The following SLC16A3 variants were observed in gnomAD, a reference collection of about 807,000 sequenced individuals.
SLC16A3 encodes monocarboxylate transporter 4.
Under a neutral mutation model 25.0 loss-of-function variants are expected in SLC16A3, and 22 were observed. The observed-to-expected ratio is 0.88, with a 90% confidence interval of 0.63 to 1.26. SLC16A3 has a LOEUF of 1.26. SLC16A3 is among the 50% of genes most tolerant of loss of function. SLC16A3 has a pLI of 0.00. For synonymous variants in SLC16A3, 390 were observed against 309.2 expected, an observed-to-expected ratio of 1.26 and a Z score of -2.74; for missense variants, 731 against 666.6, an observed-to-expected ratio of 1.10 and a Z score of -1.06.
chr17:82,223,910 C>G (rs2050403793), upstream of SLC16A3, among the ~76,000 whole-genome samples: 1 of 151,948 alleles, frequency 6.6e-6, no homozygotes, highest in Non-Finnish European at 1.5e-5. Flanking sequence ...TCAAGAAGAC[C>G]TGGCCAGCAC....
At chr17:82,234,045 T>A in intron 1 of SLC16A3, 1 of 56,990 alleles carries the variant, frequency 1.8e-5, no homozygotes, top group Non-Finnish European at 4.5e-5. Context: ...TTTCACCGTG[T>A]TAGCCAGGAT....
intron 2 of SLC16A3, chr17:82,236,501 G>A: frequency 1.6e-6 from 1 of 641,260 alleles, no homozygotes; most frequent in Non-Finnish European, 2.7e-6. Flanking sequence ...AGCCGTTCCT[G>A]AAAAGGTGGC....
Position 82,237,235 on chromosome 17 carries a change from T to G in SLC16A3, c.465T>G (p.Gly155=), listed in dbSNP as rs544853095. Residue 155 remains glycine, a synonymous_variant, in exon 4 of 5, where the codon GGT becomes GGG. Coordinates refer to ENST00000582743, the MANE Select transcript of SLC16A3 (RefSeq NM_004207.4). ...RPMANGLAAA[G]SPVFLCALSP... ...TGGCCAACGGGCTGGCGGCAGCAGG[T>G]AGCCCTGTCTTCCTGTGTGCCCTGA... 1 of 1,557,030 alleles carries G rather than the reference T, an allele frequency of 6.4e-7. No homozygotes were observed. Among genetic ancestry groups the G allele is most frequent in the Admixed American group, 1.9e-5 (1 of 52,000 alleles).
chr17:82,222,079 A>C (rs948190665), intron 1 of SLC16A3, among the ~76,000 whole-genome samples: 13 of 149,252 alleles, frequency 8.7e-5, no homozygotes, highest in Non-Finnish European at 1.3e-4. Context: ...TCGCCCTGGG[A>C]CCCCCAACTC....
chr17:82,236,867 T>C lies in SLC16A3; in HGVS notation c.362T>C (p.Ile121Thr), dbSNP rs1401537313. The C allele has an allele frequency of 1.2e-6, 2 of 1,605,662 alleles. No individual in the cohort carries two copies. Among genetic ancestry groups the C allele is most frequent in the Non-Finnish European group, 1.7e-6 (2 of 1,179,690 alleles). Residue 121 changes from isoleucine to threonine, a missense_variant, in exon 3 of 5, where the codon ATC (isoleucine) becomes ACC (threonine). Transcript: ENST00000582743. ...IIQVYLTTGVITGLGLALNFQ... is the reference protein window; with the variant it reads ...IIQVYLTTGVTTGLGLALNFQ... ...CAGGTCTACCTCACCACTGGGGTCA[T>C]CACGGGTGAGTGGGGCCGGCCGGTG...
intron 1 of SLC16A3, chr17:82,233,866 A>C: frequency 6.6e-6 from 1 of 151,622 alleles, no homozygotes; most frequent in Non-Finnish European, 1.5e-5. Flanking sequence ...TTTGAGACAG[A>C]GTCTCGCTCT....
rs530176184 is a variant in SLC16A3, at chr17:82,232,629, C to G, written c.-26-3354C>G. On this transcript the variant is annotated intron_variant, in intron 1 of 4. Coordinates refer to ENST00000582743, the MANE Select transcript of SLC16A3 (RefSeq NM_004207.4). ...GTCCTGAGGACTTCATGGTCGAATCCTGGTCTAAAGCCAGGGGTCCTTGCA... is the reference window on the plus strand; with the variant it reads ...GTCCTGAGGACTTCATGGTCGAATCGTGGTCTAAAGCCAGGGGTCCTTGCA... Among the ~76,000 whole-genome samples the G allele has an allele frequency of 2.6e-5, 4 of 152,338 alleles. No individual in the cohort carries two copies. The South Asian group carries it at 8.3e-4, about 32-fold the overall frequency.
At chr17:82,219,003 G>C (rs1487237113) in intron 1 of SLC16A3, among the ~76,000 whole-genome samples, 1 of 152,188 alleles carries the variant, frequency 6.6e-6, no homozygotes, top group Non-Finnish European at 1.5e-5. Flanking sequence ...AGCCCAGCAG[G>C]ACTGAGGGTC....
intron 1 of SLC16A3, among the ~76,000 whole-genome samples, chr17:82,233,086 T>TGGA (rs1009695586): frequency 6.6e-6 from 1 of 152,164 alleles, no homozygotes; most frequent in Non-Finnish European, 1.5e-5. Context: ...GGGGTTATCC[T>TGGA]GGAAGATGGG....
intron 2 of SLC16A3, 33 bp downstream of exon 2, chr17:82,236,264 G>A (rs761962688): frequency 1.4e-5 from 22 of 1,591,366 alleles, no homozygotes; most frequent in Admixed American, 5.0e-5. Flanking sequence ...CCCCCTGTCC[G>A]GGGCTCTGCT....
At chr17:82,225,460 G>A (rs953835468), upstream of SLC16A3, among the ~76,000 whole-genome samples, 1 of 152,180 alleles carries the variant, frequency 6.6e-6, no homozygotes, top group Non-Finnish European at 1.5e-5. Context: ...CCCCGCGTGG[G>A]TCTGGAGTCT....
chr17:82,232,999 C>T (rs1036066312), intron 1 of SLC16A3, among the ~76,000 whole-genome samples: 7 of 151,012 alleles, frequency 4.6e-5, no homozygotes, highest in African/African-American at 7.3e-5. Context: ...GTGGCTGTGG[C>T]GTGTGCTCCA....
Position 82,238,736 on chromosome 17 carries a change from C to T in SLC16A3, c.1158C>T (p.Tyr386=), listed in dbSNP as rs369827836. The T allele has an allele frequency of 6.3e-5, 101 of 1,612,266 alleles. No homozygotes were observed. The highest frequency in any genetic ancestry group is 2.0e-4 in the Admixed American group (12 of 59,964). The change falls in exon 5 of 5, where the codon TAC becomes TAT. Residue 386 remains tyrosine (Y), a synonymous_variant. Coordinates refer to ENST00000582743, the MANE Select transcript of SLC16A3 (RefSeq NM_004207.4). Reference sequence around the variant, plus strand: ...TGGATGCGACCCACGTCTACATGTACGTGTTCATCCTGGCGGGGGCCGAGG... The same window carrying T: ...TGGATGCGACCCACGTCTACATGTATGTGTTCATCCTGGCGGGGGCCGAGG... ...KLLDATHVYM[Y]VFILAGAEVL...
chr17:82,224,708 G>A (rs1405645505), upstream of SLC16A3, among the ~76,000 whole-genome samples: 2 of 149,598 alleles, frequency 1.3e-5, no homozygotes, highest in South Asian at 4.2e-4. Flanking sequence ...ACAGACACCT[G>A]TGCAGACACA....
chr17:82,239,919 C>A lies in SLC16A3; in HGVS notation c.*943C>A. On this transcript the variant is annotated 3_prime_UTR_variant, in exon 5 of 5. Transcript: ENST00000582743. ...CCTGGACACCTAACACCCACCTGCC[C>A]TCGTGGCCAGCAGTGGCCTGCGTGG... is the stretch of plus-strand genomic sequence containing the variant. The A allele has an allele frequency of 9.2e-7, 1 of 1,082,032 alleles. No homozygotes were observed. 67.0% of individuals were successfully genotyped at this position (1,082,032 alleles called of 1,614,324 possible). A position where few individuals can be genotyped will look rare whatever the true frequency, so the allele number is the denominator to read the frequency against.
intron 1 of SLC16A3, chr17:82,230,819 C>T (rs988791221): frequency 1.3e-5 from 2 of 152,154 alleles, no homozygotes; most frequent in Non-Finnish European, 1.5e-5. Flanking sequence ...CGTCACCTGC[C>T]CGAGTCAGGC....
chr17:82,233,527 A>G (rs1027142059), intron 1 of SLC16A3, among the ~76,000 whole-genome samples: 5 of 152,120 alleles, frequency 3.3e-5, no homozygotes, highest in Non-Finnish European at 7.4e-5. Context: ...CTGTCTCCTG[A>G]GGACCCTGGC....
At chr17:82,222,445 T>C (rs1299625482) in intron 1 of SLC16A3, among the ~76,000 whole-genome samples, 1 of 152,166 alleles carries the variant, frequency 6.6e-6, no homozygotes, top group Non-Finnish European at 1.5e-5. Context: ...CAAATGTCCA[T>C]CAACAGATGA....
At chr17:82,225,879 G>A (rs1048376113), upstream of SLC16A3, among the ~76,000 whole-genome samples, 7 of 152,128 alleles carry the variant, frequency 4.6e-5, no homozygotes, top group Admixed American at 3.3e-4. Flanking sequence ...CCTCCCTGGG[G>A]CAGCGGCTGT....
Sources: gnomAD v4.1 joint callset for allele counts (sites outside exome capture counted in the v4.1 genomes callset) on GRCh38, gnomAD v4.1.1 for gene constraint, MANE v1.5 for transcripts, NCBI Gene and HGNC (gene_info 2026-07-23, HGNC 2026-07-21) for gene names.